The following SLC9A8 variants were observed in gnomAD, a reference collection of about 807,000 sequenced individuals.
SLC9A8 encodes the protein solute carrier family 9 member A8, also known as sodium/hydrogen exchanger 8.
Under a neutral mutation model 66.6 loss-of-function variants are expected in SLC9A8, and 48 were observed. The ratio of observed to expected loss-of-function variants is 0.72; its 90% confidence interval spans 0.57 to 0.92. The LOEUF is 0.92. Ranked by LOEUF, SLC9A8 falls within the 40% of genes least tolerant of loss-of-function variation. SLC9A8 has a pLI of 0.00. For synonymous variants in SLC9A8, 274 were observed against 282.6 expected (o/e 0.97, Z 0.31); for missense variants, 599 against 747.3 (o/e 0.80, Z 2.31).
In SLC9A8 at chr20:49,812,885, C is replaced by T. The variant is rs1173992735; in HGVS notation, c.-38C>T. The T allele has an allele frequency of 2.7e-6, 4 of 1,494,586 alleles. No individual in the cohort carries two copies. The highest frequency in any genetic ancestry group is 3.6e-6 in the Non-Finnish European group (4 of 1,123,706). The allele number at this position is 1,494,586 out of a possible 1,614,324, so 92.6% of individuals were successfully genotyped here. A position where few individuals can be genotyped will look rare whatever the true frequency, so the allele number is the denominator to read the frequency against. ...AAGCAAAAGCGGGTCCTGCTAGCCC[C>T]GCGGCTCCGAACTCGGTGGTCCTGG... On this transcript the variant is annotated 5_prime_UTR_variant, in exon 1 of 16. Transcript: ENST00000361573.
chr20:49,867,680 A>G (rs2089031455), intron 10 of SLC9A8, among the ~76,000 whole-genome samples: 1 of 152,238 alleles, frequency 6.6e-6, no homozygotes, highest in African/African-American at 2.4e-5. Flanking sequence ...CTAGGGAAAG[A>G]GTGGCCACCT....
chr20:49,827,115 T>C (rs973806852), intron 3 of SLC9A8, among the ~76,000 whole-genome samples: 7 of 151,656 alleles, frequency 4.6e-5, no homozygotes, highest in Non-Finnish European at 7.4e-5. Context: ...CTAATTTTTG[T>C]ATTTTTAGTG....
chr20:49,812,971 G>T (rs58677849), intron 1 of SLC9A8, 23 bp downstream of exon 1: 4 of 1,391,154 alleles, frequency 2.9e-6, no homozygotes, highest in African/African-American at 1.5e-5. Context: ...TTTCCCGGGC[G>T]GCGGAGGCGG....
At position 49,889,013 on chromosome 20, in the gene SLC9A8, C is replaced by T. The variant is rs2089983857; in HGVS notation, c.*1077C>T. 1 of 152,418 alleles carries T rather than the reference C, an allele frequency of 6.6e-6. No homozygotes were observed. The highest frequency in any genetic ancestry group is 2.4e-5 in the African/African-American group (1 of 41,466). The allele number at this position is 152,418 out of a possible 1,614,324, so 9.4% of individuals were successfully genotyped here. A position where few individuals can be genotyped will look rare whatever the true frequency, so the allele number is the denominator to read the frequency against. On this transcript the variant is annotated 3_prime_UTR_variant, in exon 16 of 16. Coordinates refer to ENST00000361573, the MANE Select transcript of SLC9A8 (RefSeq NM_015266.3). The stretch of plus-strand genomic sequence containing the variant: ...GCAGCAGCACCCAGTGCTCCCTCCT[C>T]TACTCTGACCTGGGGCCCCAGCATC...
At chr20:49,822,922 C>G (rs1055952115) in intron 2 of SLC9A8, 139 bp from the exon 3 acceptor site, 1 of 669,984 alleles carries the variant, frequency 1.5e-6, no homozygotes, top group Non-Finnish European at 2.6e-6. Context: ...ACGAAAAACA[C>G]CGCTGAAGTT....
chr20:49,889,666 A>G lies in SLC9A8; in HGVS notation c.*1730A>G, dbSNP rs977488173. 1 of 152,136 alleles carries G rather than the reference A, an allele frequency of 6.6e-6. No individual in the cohort carries two copies. Among genetic ancestry groups the G allele is most frequent in the African/African-American group, 2.4e-5 (1 of 41,426 alleles). The allele number at this position is 152,136 out of a possible 1,614,324, so 9.4% of individuals were successfully genotyped here. A position where few individuals can be genotyped will look rare whatever the true frequency, so the allele number is the denominator to read the frequency against. ...TCTTTTTTAATTTCTCAACCCCATA[A>G]TTTGAGCCATTGCCTTGCTTAATTT... On this transcript the variant is annotated 3_prime_UTR_variant, in exon 16 of 16. Coordinates refer to ENST00000361573, the MANE Select transcript of SLC9A8 (RefSeq NM_015266.3).
At chr20:49,885,474 C>T (rs1002801313) in intron 14 of SLC9A8, among the ~76,000 whole-genome samples, 2 of 152,182 alleles carry the variant, frequency 1.3e-5, no homozygotes, top group African/African-American at 4.8e-5. Flanking sequence ...TCCAGACAGG[C>T]GTGACCCCAC....
At chr20:49,822,963 G>A in intron 2 of SLC9A8, 98 bp from the exon 3 acceptor site, 1 of 959,156 alleles carries the variant, frequency 1.0e-6, no homozygotes, top group Non-Finnish European at 1.7e-6. Context: ...CCATTTCTGT[G>A]AGGACCCCCC....
chr20:49,818,321 C>T (rs369559053), intron 2 of SLC9A8, among the ~76,000 whole-genome samples: 7 of 152,026 alleles, frequency 4.6e-5, no homozygotes, highest in African/African-American at 1.4e-4. Flanking sequence ...TCATTTTCAC[C>T]TAATCAGATT....
chr20:49,845,645 C>T (rs1191704148), intron 5 of SLC9A8, among the ~76,000 whole-genome samples: 3 of 152,234 alleles, frequency 2.0e-5, no homozygotes, highest in East Asian at 3.9e-4. Context: ...TATCGCTCCT[C>T]GCCCACTCCC....
intron 13 of SLC9A8, 74 bp from the exon 14 acceptor site, chr20:49,883,772 G>C: frequency 7.8e-7 from 1 of 1,279,378 alleles, no homozygotes; most frequent in South Asian, 1.3e-5. Context: ...GGGCCGGCTG[G>C]ATTTCCAGGG....
At chr20:49,839,666 T>A in intron 4 of SLC9A8, 67 bp downstream of exon 4, 1 of 996,464 alleles carries the variant, frequency 1.0e-6, no homozygotes, top group Non-Finnish European at 1.5e-6. Flanking sequence ...TTTTTGTAAT[T>A]ACTTGGCTAT....
At chr20:49,816,863 G>A (rs1214352703) in intron 2 of SLC9A8, among the ~76,000 whole-genome samples, 1 of 151,902 alleles carries the variant, frequency 6.6e-6, no homozygotes, top group Admixed American at 6.6e-5. Context: ...CAAGTAGCTG[G>A]GACTACAGGT....
intron 13 of SLC9A8, 22 bp downstream of exon 13, chr20:49,881,057 T>C (rs1444660909): frequency 6.5e-7 from 1 of 1,543,610 alleles, no homozygotes; most frequent in South Asian, 1.1e-5. Flanking sequence ...CTTGGATAAA[T>C]GGGGTGGGGA....
chr20:49,850,730 TAATGGACATTTAA>T, intron 6 of SLC9A8, 67 bp from the exon 7 acceptor site: 1 of 1,565,524 alleles, frequency 6.4e-7, no homozygotes, highest in South Asian at 1.2e-5. Flanking sequence ...AATAAAGCAC[TAATGGACATTTAA>T]ATCTTGGCTG....
chr20:49,849,681 G>C lies in SLC9A8; in HGVS notation c.534+1G>C. 6.2e-7 allele frequency: 1 copy of C among 1,601,748 alleles called. No homozygotes were observed. The highest frequency in any genetic ancestry group is 8.6e-7 in the Non-Finnish European group (1 of 1,168,848). On this transcript the variant is annotated splice_donor_variant, in intron 6 of 15. Transcript: ENST00000361573. LOFTEE classifies it high-confidence loss of function. ...TGGAGGAATTTATTTTCTGGGTCAGGTAAGAAAATCATCTTTGAAACACTT... is the reference window on the plus strand; with the variant it reads ...TGGAGGAATTTATTTTCTGGGTCAGCTAAGAAAATCATCTTTGAAACACTT...
chr20:49,845,538 A>G (rs1028145998), intron 5 of SLC9A8, among the ~76,000 whole-genome samples: 8 of 151,650 alleles, frequency 5.3e-5, no homozygotes, highest in Admixed American at 3.3e-4. Flanking sequence ...GGGCCTTTCT[A>G]ACCTTCTCAG....
chr20:49,888,003 A>G lies in SLC9A8; in HGVS notation c.*67A>G, dbSNP rs1234826620. 7.9e-7 allele frequency: 1 copy of G among 1,272,544 alleles called. No homozygotes were observed. Among genetic ancestry groups the G allele is most frequent in the Non-Finnish European group, 1.1e-6 (1 of 874,400 alleles). The allele number at this position is 1,272,544 out of a possible 1,614,324, so 78.8% of individuals were successfully genotyped here. A position where few individuals can be genotyped will look rare whatever the true frequency, so the allele number is the denominator to read the frequency against. On this transcript the variant is annotated 3_prime_UTR_variant, in exon 16 of 16. Transcript: ENST00000361573. ...CGTTTGCTGCGCACAGACACTCAGC[A>G]GGGGCCTCGCAGAGATGCGTGCATC... is the stretch of plus-strand genomic sequence containing the variant.
chr20:49,886,721 G>A lies in SLC9A8; in HGVS notation c.1492-31G>A, dbSNP rs748373789. 2 of 1,601,974 alleles carry A rather than the reference G, an allele frequency of 1.2e-6. No individual in the cohort carries two copies. Among genetic ancestry groups the A allele is most frequent in the Non-Finnish European group, 1.7e-6 (2 of 1,172,954 alleles). On this transcript the variant is annotated intron_variant, in intron 14 of 15. Transcript: ENST00000361573. This position sits in a 1 kb window ranked among gnomAD's most constrained non-coding sequence, Gnocchi z 4.8. ...GTGCCCCCCGATGGTGCCAGCTGGT[G>A]GCCGTCGGGCCGCCTTTCCTCCCTG... is the stretch of plus-strand genomic sequence containing the variant.
Sources: gnomAD v4.1 joint callset for allele counts (sites outside exome capture counted in the v4.1 genomes callset) on GRCh38, gnomAD v4.1.1 for gene constraint, Gnocchi (gnomAD v3.1) non-coding constraint, MANE v1.5 for transcripts, NCBI Gene and HGNC (gene_info 2026-07-23, HGNC 2026-07-21) for gene names.